Variants in CFAP299 observed in about 807,000 individuals in gnomAD.
CFAP299 encodes the protein cilia- and flagella-associated protein 299.
Under a neutral mutation model 27.0 loss-of-function variants are expected in CFAP299, and 21 were observed. The observed-to-expected ratio is 0.78, with a 90% CI of 0.55 to 1.12. CFAP299 has a LOEUF of 1.12. Ranked by LOEUF, CFAP299 falls within the 50% of genes most tolerant of loss-of-function variation. The pLI, the probability that CFAP299 is intolerant of heterozygous loss-of-function variation, is 0.00. For synonymous variants in CFAP299, 104 were observed against 98.1 expected, an observed-to-expected ratio of 1.06 and a Z score of -0.36; for missense variants, 310 against 276.6, an observed-to-expected ratio of 1.12 and a Z score of -0.86.
intron 4 of CFAP299, among the ~76,000 whole-genome samples, chr4:80,910,656 G>T (rs1167131732): frequency 2.0e-5 from 3 of 151,954 alleles, no homozygotes; most frequent in South Asian, 2.1e-4. Context: ...ACAACAATAG[G>T]CACTAGGGGC....
intron 3 of CFAP299, among the ~76,000 whole-genome samples, chr4:80,670,211 T>A (rs1317975723): frequency 1.3e-5 from 2 of 152,054 alleles, no homozygotes; most frequent in Non-Finnish European, 1.5e-5. Flanking sequence ...ATTGTTCAAT[T>A]CCCACCTATG....
intron 2 of CFAP299, among the ~76,000 whole-genome samples, chr4:80,364,659 A>G (rs910978322): frequency 2.7e-4 from 41 of 152,080 alleles, no homozygotes; most frequent in African/African-American, 9.4e-4. Context: ...TTATAGGTAA[A>G]CATGTGCCAT....
At chr4:80,877,174 C>G (rs1041828559) in intron 4 of CFAP299, among the ~76,000 whole-genome samples, 1 of 152,180 alleles carries the variant, frequency 6.6e-6, no homozygotes, top group Non-Finnish European at 1.5e-5. Flanking sequence ...AGAATCTACT[C>G]ATATCCTCTG....
intron 3 of CFAP299, among the ~76,000 whole-genome samples, chr4:80,688,716 A>T (rs1720417409): frequency 1.3e-5 from 2 of 152,242 alleles, no homozygotes. Context: ...AAGCTGAGAG[A>T]AGAAGGCTTC....
rs187906863 is a variant in CFAP299, at chr4:80,598,457, T to A, written c.333+15274T>A. Reference sequence around the variant, plus strand: ...TTAAATATGAATTGTTATTAAGCCATGCCCTTCATTAACTACTACTAGAAT... The same window carrying A: ...TTAAATATGAATTGTTATTAAGCCAAGCCCTTCATTAACTACTACTAGAAT... On this transcript the variant is annotated intron_variant, in intron 3 of 5. Coordinates refer to ENST00000358105, the MANE Select transcript of CFAP299 (RefSeq NM_152770.3). Among the ~76,000 whole-genome samples, 140 of 152,336 alleles carry A rather than the reference T, an allele frequency of 9.2e-4. 1 individual carries two copies. The highest frequency in any genetic ancestry group is 6.1e-3 in the Admixed American group (94 of 15,288).
intron 2 of CFAP299, among the ~76,000 whole-genome samples, chr4:80,448,560 T>G (rs1728749606): frequency 6.6e-6 from 1 of 152,184 alleles, no homozygotes. Flanking sequence ...TAAATTTTCT[T>G]TTAACATAAA....
chr4:80,665,079 T>C, intron 3 of CFAP299, among the ~76,000 whole-genome samples: 1 of 152,150 alleles, frequency 6.6e-6, no homozygotes, highest in East Asian at 1.9e-4. Context: ...TCAGTCTCAA[T>C]GAGATGAGCT....
intron 2 of CFAP299, among the ~76,000 whole-genome samples, chr4:80,472,076 C>A (rs1401217283): frequency 6.6e-6 from 1 of 152,174 alleles, no homozygotes; most frequent in African/African-American, 2.4e-5. Context: ...TTCCTTCAAT[C>A]CTAAACTAGA....
At chr4:80,862,945 C>T (rs902746115) in intron 3 of CFAP299, among the ~76,000 whole-genome samples, 6 of 152,044 alleles carry the variant, frequency 3.9e-5, no homozygotes, top group South Asian at 4.1e-4. Context: ...ATAGTTGATT[C>T]GCAGAGAACT....
intron 2 of CFAP299, among the ~76,000 whole-genome samples, chr4:80,405,465 T>C (rs1426644936): frequency 6.6e-6 from 1 of 152,234 alleles, no homozygotes; most frequent in Non-Finnish European, 1.5e-5. Context: ...AAATATTCAT[T>C]AATAACTTTT....
intron 1 of CFAP299, among the ~76,000 whole-genome samples, chr4:80,344,090 G>C (rs776940395): frequency 2.6e-5 from 4 of 152,050 alleles, no homozygotes; most frequent in Non-Finnish European, 4.4e-5. Context: ...AAAAGAACCA[G>C]AGTACCAAGA....
intron 2 of CFAP299, among the ~76,000 whole-genome samples, chr4:80,429,154 C>G (rs1023934439): frequency 6.6e-6 from 1 of 152,078 alleles, no homozygotes; most frequent in Non-Finnish European, 1.5e-5. Context: ...CAGTATTCAA[C>G]GAATATTATA....
At chr4:80,497,613 A>AT (rs1333719002) in intron 2 of CFAP299, among the ~76,000 whole-genome samples, 2 of 152,044 alleles carry the variant, frequency 1.3e-5, no homozygotes, top group Admixed American at 6.5e-5. Flanking sequence ...TTTACCCTAC[A>AT]TTTTTTGCCC....
chr4:80,639,046 T>A (rs530428904), intron 3 of CFAP299, among the ~76,000 whole-genome samples: 1 of 152,218 alleles, frequency 6.6e-6, no homozygotes, highest in Admixed American at 6.5e-5. Flanking sequence ...AGGCCACTAC[T>A]CCTATTATGA....
chr4:80,842,261 A>G (rs1250958169), intron 3 of CFAP299, among the ~76,000 whole-genome samples: 1 of 152,150 alleles, frequency 6.6e-6, no homozygotes, highest in East Asian at 1.9e-4. Flanking sequence ...CAAGTCATCT[A>G]ATAGTTTTAG....
intron 3 of CFAP299, among the ~76,000 whole-genome samples, chr4:80,611,629 C>G (rs1020931737): frequency 6.6e-6 from 1 of 151,996 alleles, no homozygotes. Flanking sequence ...CATTGGGACA[C>G]TTGTAGGAAG....
At chr4:80,600,267 A>G (rs1225390746) in intron 3 of CFAP299, among the ~76,000 whole-genome samples, 1 of 152,138 alleles carries the variant, frequency 6.6e-6, no homozygotes, top group African/African-American at 2.4e-5. Context: ...ATTATCTGAT[A>G]TAACTAGTCC....
At chr4:80,788,185 T>G (rs1176261897) in intron 3 of CFAP299, among the ~76,000 whole-genome samples, 1 of 152,024 alleles carries the variant, frequency 6.6e-6, no homozygotes, top group Non-Finnish European at 1.5e-5. Flanking sequence ...CTATATAGAC[T>G]TTCCCCAACT....
chr4:80,933,570 A>T (rs1736739413), intron 4 of CFAP299, among the ~76,000 whole-genome samples: 1 of 152,240 alleles, frequency 6.6e-6, no homozygotes, highest in African/African-American at 2.4e-5. Flanking sequence ...AAATACATAA[A>T]CATAAGATAT....
Sources: gnomAD v4.1 joint callset for allele counts (sites outside exome capture counted in the v4.1 genomes callset) on GRCh38, gnomAD v4.1.1 for gene constraint, MANE v1.5 for transcripts, NCBI Gene and HGNC (gene_info 2026-07-23, HGNC 2026-07-21) for gene names.